The following GPC5 variants were observed in gnomAD, a reference collection of about 807,000 sequenced individuals.
GPC5 encodes glypican 5, also known as glypican-5.
In GPC5, 47 loss-of-function variants were observed where a neutral mutation model predicts 53.9. That is an observed-to-expected ratio of 0.87 (90% CI 0.69 to 1.11). The LOEUF is 1.11. Ranked by LOEUF, GPC5 falls within the 50% of genes most tolerant of loss-of-function variation. GPC5 has a pLI of 0.00. For missense variants in GPC5, 748 were observed against 713.1 expected, an observed-to-expected ratio of 1.05 and a Z score of -0.56; for synonymous variants, 286 against 263.3, an observed-to-expected ratio of 1.09 and a Z score of -0.84.
chr13:91,975,650 G>A (rs2040293016), intron 6 of GPC5, among the ~76,000 whole-genome samples: 1 of 152,160 alleles, frequency 6.6e-6, no homozygotes, highest in East Asian at 1.9e-4. Context: ...TGGAGAAATA[G>A]GAACACTTTT....
chr13:91,622,012 T>C (rs2033873763), intron 2 of GPC5, among the ~76,000 whole-genome samples: 1 of 151,892 alleles, frequency 6.6e-6, no homozygotes, highest in Non-Finnish European at 1.5e-5. Flanking sequence ...GAGTCCGATG[T>C]TCAAGAGTAG....
intron 4 of GPC5, 39 bp downstream of exon 4, chr13:91,728,704 G>A: frequency 1.3e-6 from 2 of 1,578,974 alleles, no homozygotes; most frequent in Non-Finnish European, 1.7e-6. Context: ...AGAAAAGAAA[G>A]TAAGCCATTA....
chr13:92,090,062 C>T (rs962794382), intron 6 of GPC5, among the ~76,000 whole-genome samples: 6 of 152,124 alleles, frequency 3.9e-5, no homozygotes, highest in South Asian at 4.1e-4. Flanking sequence ...ATGGAAGTAC[C>T]TGCTTTTATA....
At chr13:92,706,223 GA>G (rs1366909384) in intron 7 of GPC5, among the ~76,000 whole-genome samples, 1 of 151,816 alleles carries the variant, frequency 6.6e-6, no homozygotes, top group African/African-American at 2.4e-5. Context: ...TGTTTGTAGG[GA>G]ACCATTTTCA....
intron 2 of GPC5, among the ~76,000 whole-genome samples, chr13:91,530,768 T>C (rs912637124): frequency 6.6e-6 from 1 of 152,242 alleles, no homozygotes; most frequent in Non-Finnish European, 1.5e-5. Flanking sequence ...TTTAGATTGC[T>C]TTTCTTAAGT....
chr13:92,425,475 G>A (rs778910414), intron 7 of GPC5, among the ~76,000 whole-genome samples: 2 of 151,866 alleles, frequency 1.3e-5, no homozygotes, highest in Non-Finnish European at 2.9e-5. Context: ...CAGTCCTATG[G>A]CAAAGATTCT....
intron 7 of GPC5, among the ~76,000 whole-genome samples, chr13:92,380,930 A>C (rs1482695236): frequency 6.6e-6 from 1 of 152,072 alleles, no homozygotes; most frequent in South Asian, 2.1e-4. Flanking sequence ...AAAAAGAAAA[A>C]AAAAAGAATA....
intron 2 of GPC5, among the ~76,000 whole-genome samples, chr13:91,571,891 G>GTGTA (rs1404103215): frequency 5.2e-5 from 4 of 77,620 alleles, no homozygotes; most frequent in Non-Finnish European, 9.1e-5. Context: ...ATATACGTGT[G>GTGTA]TATATACACA....
At chr13:92,456,708 C>A (rs1878280078) in intron 7 of GPC5, among the ~76,000 whole-genome samples, 1 of 152,122 alleles carries the variant, frequency 6.6e-6, no homozygotes, top group South Asian at 2.1e-4. Context: ...TTTCTGAGGA[C>A]TCTTGTCCTC....
At chr13:92,039,197 G>A (rs777430967) in intron 6 of GPC5, among the ~76,000 whole-genome samples, 4 of 152,266 alleles carry the variant, frequency 2.6e-5, no homozygotes, top group Admixed American at 1.3e-4. Flanking sequence ...GCCAAAATTC[G>A]GAGTAAGAAT....
intron 7 of GPC5, among the ~76,000 whole-genome samples, chr13:92,527,283 A>G (rs571879676): frequency 6.7e-6 from 1 of 148,952 alleles, no homozygotes; most frequent in Non-Finnish European, 1.5e-5. Context: ...AAGAAAGAAA[A>G]AGATCAACAG....
intron 7 of GPC5, among the ~76,000 whole-genome samples, chr13:92,370,543 G>T (rs1395883139): frequency 6.8e-6 from 1 of 146,600 alleles, no homozygotes; most frequent in Admixed American, 6.8e-5. Flanking sequence ...AAAAAAAACA[G>T]CTTGTCAATC....
chr13:92,172,562 G>C (rs1042573293), intron 7 of GPC5, among the ~76,000 whole-genome samples: 3 of 152,178 alleles, frequency 2.0e-5, no homozygotes, highest in Non-Finnish European at 4.4e-5. Context: ...GGATATCTCA[G>C]TGTATTGGAA....
At chr13:92,014,655 AT>A (rs1234232997) in intron 6 of GPC5, among the ~76,000 whole-genome samples, 1 of 152,110 alleles carries the variant, frequency 6.6e-6, no homozygotes, top group Non-Finnish European at 1.5e-5. Context: ...GTGTTACAAT[AT>A]TTTACAATAT....
chr13:91,714,340 G>A (rs1357089435), intron 3 of GPC5, among the ~76,000 whole-genome samples: 1 of 152,138 alleles, frequency 6.6e-6, no homozygotes, highest in African/African-American at 2.4e-5. Flanking sequence ...ATATCCAACT[G>A]GGGGATTGTT....
intron 6 of GPC5, chr13:91,996,007 C>G (rs2040500531): frequency 6.6e-6 from 1 of 152,182 alleles, no homozygotes; most frequent in African/African-American, 2.4e-5. Flanking sequence ...GGGCAGTTCC[C>G]TCTTTGGGTT....
intron 7 of GPC5, among the ~76,000 whole-genome samples, chr13:92,833,283 T>C (rs75598995): frequency 0.013 from 1,962 of 152,224 alleles, 55 homozygotes; most frequent in African/African-American, 0.045. Flanking sequence ...TTGTGACTAA[T>C]GTAATAGGGT....
rs9589335 is a variant in GPC5, at chr13:91,688,452, A to G, written c.326-4735A>G. On this transcript the variant is annotated intron_variant, in intron 2 of 7. Coordinates refer to ENST00000377067, the MANE Select transcript of GPC5 (RefSeq NM_004466.6). ...ATATTACATATATTTAGGTAATTCA[A>G]TTAACTGGAATATTTCAATATCAGG... Among the ~76,000 whole-genome samples the G allele has an allele frequency of 3.3e-5, 5 of 152,194 alleles. No homozygotes were observed. The East Asian group carries it at 7.7e-4, about 23-fold the overall frequency.
intron 7 of GPC5, among the ~76,000 whole-genome samples, chr13:92,348,838 ATTTT>A (rs1164156244): frequency 6.6e-6 from 1 of 152,218 alleles, no homozygotes; most frequent in African/African-American, 2.4e-5. Flanking sequence ...GGTCAATACA[ATTTT>A]TAAAACAATA....
Sources: gnomAD v4.1 joint callset for allele counts (sites outside exome capture counted in the v4.1 genomes callset) on GRCh38, gnomAD v4.1.1 for gene constraint, MANE v1.5 for transcripts, NCBI Gene and HGNC (gene_info 2026-07-23, HGNC 2026-07-21) for gene names.